Variants in PRKN observed in about 807,000 individuals in gnomAD.
PRKN encodes the protein parkin RBR E3 ubiquitin protein ligase, also known as E3 ubiquitin-protein ligase parkin.
A neutral mutation model predicts 59.5 loss-of-function variants in PRKN; 56 were observed. The ratio of observed to expected loss-of-function variants is 0.94; its 90% confidence interval spans 0.76 to 1.18. The LOEUF (loss-of-function observed/expected upper bound fraction) is 1.18. Among genes scored for constraint, PRKN ranks in the 50% most tolerant of loss-of-function variants. The pLI, the probability that PRKN is intolerant of heterozygous loss-of-function variation, is 0.00. For missense variants in PRKN, 657 were observed against 596.4 expected (o/e 1.10, Z -1.06); for synonymous variants, 250 against 222.1 (o/e 1.13, Z -1.12).
chr6:161,926,843 AG>A (rs1301356345), intron 6 of PRKN, among the ~76,000 whole-genome samples: 2 of 151,074 alleles, frequency 1.3e-5, no homozygotes, highest in East Asian at 3.9e-4. Context: ...TGAGCTCTGA[AG>A]TGGTACAACA....
In PRKN at chr6:161,350,380, T is replaced by C. The variant is rs80033990; in HGVS notation, c.1286-169A>G. 0.049 allele frequency among the ~76,000 whole-genome samples: 7,445 copies of C among 151,598 alleles called. 285 individuals are homozygous for C. The highest frequency in any genetic ancestry group is 0.21 in the South Asian group (1,008 of 4,804). ...AGGGGAAAAACTTCATAAAGCACAA[T>C]AGGGCAGCTCTAAAGTGATGATATT... is the stretch of plus-strand genomic sequence containing the variant. On this transcript the variant is annotated intron_variant, in intron 11 of 11. Transcript: ENST00000366898.
At chr6:162,486,387 T>A (rs905049097) in intron 1 of PRKN, among the ~76,000 whole-genome samples, 1 of 152,212 alleles carries the variant, frequency 6.6e-6, no homozygotes, top group Non-Finnish European at 1.5e-5. Flanking sequence ...TCTACCACAT[T>A]TTTTTCTTTT....
chr6:162,617,007 T>C (rs1782448584), intron 1 of PRKN, among the ~76,000 whole-genome samples: 1 of 152,154 alleles, frequency 6.6e-6, no homozygotes, highest in Admixed American at 6.6e-5. Context: ...TTCTTAAAAA[T>C]TATTATTTAA....
rs1242269790 is a variant in PRKN, at chr6:161,409,413, A to G, written c.1084-22536T>C. On this transcript the variant is annotated intron_variant, in intron 9 of 11. Coordinates refer to ENST00000366898, the MANE Select transcript of PRKN (RefSeq NM_004562.3). This position sits in a 1 kb window ranked among gnomAD's most constrained non-coding sequence, Gnocchi z 4.6. ...GTAGGATTTTCCAGAAGAAATTACC[A>G]AATGGCACACAAAAACGCAGTGTGC... Among the ~76,000 whole-genome samples, 1 of 152,164 alleles carries G rather than the reference A, an allele frequency of 6.6e-6. No homozygotes were observed. Among genetic ancestry groups the G allele is most frequent in the Non-Finnish European group, 1.5e-5 (1 of 68,026 alleles).
chr6:162,455,925 T>C (rs1002397457), intron 1 of PRKN, among the ~76,000 whole-genome samples: 4 of 152,068 alleles, frequency 2.6e-5, no homozygotes, highest in Admixed American at 6.6e-5. Context: ...AAAAAAAACT[T>C]TATAAAATAT....
At chr6:161,628,964 A>G (rs1454117598) in intron 7 of PRKN, among the ~76,000 whole-genome samples, 2 of 152,170 alleles carry the variant, frequency 1.3e-5, no homozygotes, top group Non-Finnish European at 2.9e-5. Flanking sequence ...AATCTTCAAT[A>G]ATTGATATCT....
intron 2 of PRKN, among the ~76,000 whole-genome samples, chr6:162,398,266 T>C (rs1438895904): frequency 1.3e-5 from 2 of 152,186 alleles, no homozygotes. Flanking sequence ...TAAAGCTTTA[T>C]AACATCAACT....
chr6:162,530,903 A>G (rs1293660918), intron 1 of PRKN, among the ~76,000 whole-genome samples: 1 of 151,340 alleles, frequency 6.6e-6, no homozygotes, highest in East Asian at 2.0e-4. Context: ...CTAAAATACA[A>G]ATAATTAGCA....
chr6:162,406,340 T>C (rs1466834983), intron 2 of PRKN, among the ~76,000 whole-genome samples: 1 of 152,188 alleles, frequency 6.6e-6, no homozygotes, highest in Non-Finnish European at 1.5e-5. Flanking sequence ...TTAGAACCAC[T>C]GTGCATACTG....
intron 2 of PRKN, among the ~76,000 whole-genome samples, chr6:162,276,330 A>C (rs1370652902): frequency 6.6e-6 from 1 of 152,186 alleles, no homozygotes; most frequent in East Asian, 1.9e-4. Flanking sequence ...TGATACCATT[A>C]AATTGATTAC....
At chr6:161,987,412 A>G (rs1272017958) in intron 5 of PRKN, among the ~76,000 whole-genome samples, 1 of 152,180 alleles carries the variant, frequency 6.6e-6, no homozygotes, top group Admixed American at 6.5e-5. Context: ...ATCATCCCTC[A>G]GTATCCAGGA....
rs1554285883 is a variant in PRKN at position 161,634,020 on chromosome 6, A to ACG, written c.872-64605_872-64604insCG. On this transcript the variant is annotated intron_variant, in intron 7 of 11. Transcript: ENST00000366898. The stretch of plus-strand genomic sequence containing the variant: ...TAAACACACACACACACACACACAC[A>ACG]CACACACACACACACACATCCCCCA... 2.5e-3 allele frequency among the ~76,000 whole-genome samples: 384 copies of ACG among 151,898 alleles called. 2 individuals carry two copies. The highest frequency in any genetic ancestry group is 8.9e-3 in the African/African-American group (369 of 41,354).
chr6:161,684,989 C>T (rs539475330), intron 7 of PRKN, among the ~76,000 whole-genome samples: 3 of 152,258 alleles, frequency 2.0e-5, no homozygotes, highest in East Asian at 3.9e-4. Context: ...AGTTTGTCCT[C>T]AAGACTGGTG....
At chr6:161,679,431 C>T (rs1176909430) in intron 7 of PRKN, among the ~76,000 whole-genome samples, 2 of 151,980 alleles carry the variant, frequency 1.3e-5, no homozygotes, top group Non-Finnish European at 2.9e-5. Flanking sequence ...GAGCCACACT[C>T]GGGAGGAACC....
chr6:162,389,484 G>T (rs571708638), intron 2 of PRKN, among the ~76,000 whole-genome samples: 4 of 152,240 alleles, frequency 2.6e-5, no homozygotes, highest in South Asian at 2.1e-4. Context: ...ATCTTGGCAT[G>T]CTCATTTAAG....
rs550890827 is a variant in PRKN, at chr6:161,465,172, T to C, written c.1084-78295A>G. ...CGAGACTGGCCCATGCAGGACCTGC[T>C]TTAGGCCTTTCTGCCTCAGTGTTTG... On this transcript the variant is annotated intron_variant, in intron 9 of 11. Transcript: ENST00000366898. Among the ~76,000 whole-genome samples the C allele has an allele frequency of 9.2e-5, 14 of 152,346 alleles. No individual in the cohort carries two copies. The East Asian group carries it at 2.1e-3, about 23-fold the overall frequency.
At chr6:162,013,284 T>C (rs1056129857) in intron 5 of PRKN, among the ~76,000 whole-genome samples, 1 of 152,150 alleles carries the variant, frequency 6.6e-6, no homozygotes, top group African/African-American at 2.4e-5. Flanking sequence ...TCCCCTAGAG[T>C]AGCCAATGGG....
intron 5 of PRKN, among the ~76,000 whole-genome samples, chr6:162,038,992 A>C (rs934551456): frequency 6.6e-6 from 1 of 151,990 alleles, no homozygotes; most frequent in Non-Finnish European, 1.5e-5. Context: ...GTCTCTACTA[A>C]AAAAATACAA....
rs1292877901 is a variant in PRKN at position 161,446,633 on chromosome 6, C to T, written c.1084-59756G>A. ...TGTACTTTAAGATTGAAACTAAATG[C>T]AGCCTCTTTTCTACCCATGATTTAT... On this transcript the variant is annotated intron_variant, in intron 9 of 11. Coordinates refer to ENST00000366898, the MANE Select transcript of PRKN (RefSeq NM_004562.3). This position sits in a 1 kb window ranked among gnomAD's most constrained non-coding sequence, Gnocchi z 6.2. 6.6e-6 allele frequency among the ~76,000 whole-genome samples: 1 copy of T among 152,122 alleles called. No individual in the cohort carries two copies. The highest frequency in any genetic ancestry group is 1.5e-5 in the Non-Finnish European group (1 of 68,024).
Sources: allele counts gnomAD v4.1 joint callset (sites outside exome capture counted in the v4.1 genomes callset), GRCh38; gene constraint gnomAD v4.1.1; non-coding constraint Gnocchi (gnomAD v3.1); transcripts MANE v1.5; gene names NCBI Gene and HGNC (gene_info 2026-07-23, HGNC 2026-07-21).